KPNA2: variants seen among roughly 807,000 people sequenced by gnomAD.
The protein encoded by KPNA2 is karyopherin subunit alpha 2.
A neutral mutation model predicts 53.7 loss-of-function variants in KPNA2; 20 were observed. The observed-to-expected ratio is 0.37, with a 90% CI of 0.26 to 0.54. KPNA2 has a LOEUF of 0.54. Ranked by LOEUF, KPNA2 falls within the 20% of genes least tolerant of loss-of-function variation. KPNA2 has a pLI of 0.83. For missense variants in KPNA2, 515 were observed against 640.3 expected (o/e 0.80, Z 2.11); for synonymous variants, 238 against 227.5 (o/e 1.05, Z -0.42).
intron 3 of KPNA2, among the ~76,000 whole-genome samples, chr17:68,038,015 C>T (rs967392713): frequency 6.6e-6 from 1 of 152,004 alleles, no homozygotes; most frequent in Non-Finnish European, 1.5e-5. Flanking sequence ...TTTGCTCTGT[C>T]GCCCAGGCTA....
At chr17:68,038,050 C>CA (rs2071211378) in intron 3 of KPNA2, among the ~76,000 whole-genome samples, 2 of 152,170 alleles carry the variant, frequency 1.3e-5, no homozygotes, top group Non-Finnish European at 2.9e-5. Flanking sequence ...GATCTCCGCT[C>CA]ACTGCAAGCT....
In KPNA2 at chr17:68,042,912, C is replaced by A. The variant is rs148321092; in HGVS notation, c.579C>A (p.Gly193=). 1.2e-4 allele frequency: 192 copies of A among 1,604,044 alleles called. No homozygotes were observed. The highest frequency in any genetic ancestry group is 1.5e-4 in the Non-Finnish European group (180 of 1,173,080). The stretch of plus-strand genomic sequence containing the variant: ...TCTTGCCTTTTTTTTCAGGTGATGG[C>A]TCAGTGTTCCGAGACTTGGTTATTA... The part of the protein sequence containing the change: ...VWALGNIAGD[G]SVFRDLVIKY... The change falls in exon 6 of 11, where the codon GGC becomes GGA. Residue 193 remains glycine, a synonymous_variant. Coordinates refer to ENST00000330459, the MANE Select transcript of KPNA2 (RefSeq NM_002266.4).
chr17:68,046,588 A>C lies in KPNA2; in HGVS notation c.1582A>C (p.Asn528His), dbSNP rs1309440199. 6.3e-7 allele frequency: 1 copy of C among 1,596,472 alleles called. No individual in the cohort carries two copies. The highest frequency in any genetic ancestry group is 1.3e-5 in the African/African-American group (1 of 74,476). Residue 528 changes from asparagine to histidine, a missense_variant, in exon 11 of 11, where the codon AAC (asparagine) becomes CAC (histidine). Transcript: ENST00000330459. ...QVQDGAPGTFNF is the reference protein window; with the variant it reads ...QVQDGAPGTFHF ...TCAGGATGGGGCTCCTGGGACCTTT[A>C]ACTTTTAGATCATGTAGCTGAGACA...
intron 2 of KPNA2, 58 bp from the exon 3 acceptor site, chr17:68,037,300 C>T: frequency 6.3e-7 from 1 of 1,585,276 alleles, no homozygotes; most frequent in Non-Finnish European, 8.6e-7. Context: ...AAAAAATGCC[C>T]TCACTTAGCA....
Position 68,042,290 on chromosome 17 carries a change from C to G in KPNA2, c.508C>G (p.Leu170Val), listed in dbSNP as rs1555704660. 1.2e-6 allele frequency: 2 copies of G among 1,614,158 alleles called. No homozygotes were observed. Among genetic ancestry groups the G allele is most frequent in the Non-Finnish European group, 1.7e-6 (2 of 1,179,992 alleles). ...AGGTGCCATCCCAGCATTCATTTCT[C>G]TGTTGGCATCTCCCCATGCTCACAT... ...DGGAIPAFIS[L>V]LASPHAHISE... Residue 170 changes from leucine (L) to valine (V), a missense_variant, in exon 5 of 11, where the codon CTG becomes GTG. Leu to Val is a conservative substitution (Grantham distance 32, BLOSUM62 1). Coordinates refer to ENST00000330459, the MANE Select transcript of KPNA2 (RefSeq NM_002266.4).
Position 68,037,080 on chromosome 17 carries a change from G to T in KPNA2, c.-23-30G>T. 5.8e-6 allele frequency: 8 copies of T among 1,371,028 alleles called. No homozygotes were observed. In the South Asian group the frequency reaches 9.4e-5, roughly 16 times the overall value. The allele number at this position is 1,371,028 out of a possible 1,614,324, so 84.9% of individuals were successfully genotyped here. A position where few individuals can be genotyped will look rare whatever the true frequency, so the allele number is the denominator to read the frequency against. Reference sequence around the variant, plus strand: ...TTATTGACAAAGGAAAATGATAAAGGAAATATTTTTCTCTTCCCCCATCTT... The same window carrying T: ...TTATTGACAAAGGAAAATGATAAAGTAAATATTTTTCTCTTCCCCCATCTT... On this transcript the variant is annotated intron_variant, in intron 1 of 10. Transcript: ENST00000330459.
chr17:68,037,989 T>C (rs914581513), intron 3 of KPNA2, among the ~76,000 whole-genome samples: 16 of 151,996 alleles, frequency 1.1e-4, no homozygotes, highest in African/African-American at 3.9e-4. Context: ...TTGTTTTTGT[T>C]TCTTTGAGAC....
chr17:68,041,496 T>C (rs1555704573), intron 4 of KPNA2, among the ~76,000 whole-genome samples: 1 of 152,058 alleles, frequency 6.6e-6, no homozygotes, highest in African/African-American at 2.4e-5. Flanking sequence ...CAGGCGGAGG[T>C]TGCAGTGAGC....
rs2071334027 is a variant in KPNA2 at position 68,046,574 on chromosome 17, C to T, written c.1568C>T (p.Ala523Val). The change falls in exon 11 of 11, where the codon GCT (alanine) becomes GTT (valine). Residue 523 changes from alanine (A) to valine (V), a missense_variant. Ala to Val is a moderately conservative substitution (Grantham distance 64, BLOSUM62 0). Coordinates refer to ENST00000330459, the MANE Select transcript of KPNA2 (RefSeq NM_002266.4). ...TACACTTTCCAAGTTCAGGATGGGG[C>T]TCCTGGGACCTTTAACTTTTAGATC... The part of the protein sequence containing the change: ...EGYTFQVQDG[A>V]PGTFNF The T allele has an allele frequency of 1.2e-6, 2 of 1,607,742 alleles. No homozygotes were observed. The highest frequency in any genetic ancestry group is 1.3e-5 in the African/African-American group (1 of 74,748).
chr17:68,037,494 A>T lies in KPNA2; in HGVS notation c.212A>T (p.Gln71Leu), dbSNP rs1167037164. Residue 71 changes from glutamine (Q) to leucine (L), a missense_variant and splice_region_variant, in exon 3 of 11, where the codon CAG becomes CTG. Transcript: ENST00000330459. ...CCGCTGCAGGAAAACCGCAACAACC[A>T]GGTAAAAAATGTATTTTAGTTTATG... ...TSPLQENRNNQGTVNWSVDDI... is the reference protein window; with the variant it reads ...TSPLQENRNNLGTVNWSVDDI... 5 of 1,610,740 alleles carry T rather than the reference A, an allele frequency of 3.1e-6. No individual in the cohort carries two copies. The highest frequency in any genetic ancestry group is 4.2e-6 in the Non-Finnish European group (5 of 1,178,816).
chr17:68,037,155 A>G lies in KPNA2; in HGVS notation c.23A>G (p.Asn8Ser), dbSNP rs781943842. 3.1e-6 allele frequency: 5 copies of G among 1,613,530 alleles called. No homozygotes were observed. In the Admixed American group the frequency reaches 6.7e-5, roughly 22 times the overall value. Reference sequence around the variant, plus strand: ...ACCATGTCCACCAACGAGAATGCTAATACACCAGCTGCCCGTCTTCACAGA... The same window carrying G: ...ACCATGTCCACCAACGAGAATGCTAGTACACCAGCTGCCCGTCTTCACAGA... MSTNENA[N>S]TPAARLHRFK... Residue 8 changes from asparagine to serine, a missense_variant, in exon 2 of 11, where the codon AAT becomes AGT. Transcript: ENST00000330459.
chr17:68,040,395 T>TTC (rs1385683956), intron 3 of KPNA2, among the ~76,000 whole-genome samples: 1 of 151,848 alleles, frequency 6.6e-6, no homozygotes, highest in Non-Finnish European at 1.5e-5. Context: ...ATGCCTGTCC[T>TTC]TCTCGTTCAT....
chr17:68,042,182 A>G lies in KPNA2; in HGVS notation c.400A>G (p.Ser134Gly), dbSNP rs200993285. 6.2e-6 allele frequency: 10 copies of G among 1,613,896 alleles called. No homozygotes were observed. The East Asian group carries it at 2.2e-4, about 36-fold the overall frequency. ...FVSFLGRTDCSPIQFESAWAL... is the reference protein window; with the variant it reads ...FVSFLGRTDCGPIQFESAWAL... ...GTCCTTCTTGGGCAGAACTGATTGTAGTCCCATTCAGTTTGAATCTGCTTG... is the reference window on the plus strand; with the variant it reads ...GTCCTTCTTGGGCAGAACTGATTGTGGTCCCATTCAGTTTGAATCTGCTTG... The change falls in exon 5 of 11, where the codon AGT becomes GGT. Residue 134 changes from serine (S) to glycine (G), a missense_variant. By Grantham distance (56) the Ser-to-Gly change is moderately conservative. Coordinates refer to ENST00000330459, the MANE Select transcript of KPNA2 (RefSeq NM_002266.4).
At chr17:68,036,087 G>T (rs1872548805) in intron 1 of KPNA2, 1 of 152,278 alleles carries the variant, frequency 6.6e-6, no homozygotes, top group Admixed American at 6.5e-5. Flanking sequence ...GGGAGAATCG[G>T]AGCGAGCCAG....
intron 5 of KPNA2, 76 bp downstream of exon 5, chr17:68,042,429 A>G (rs2071271436): frequency 1.4e-6 from 2 of 1,443,852 alleles, no homozygotes; most frequent in Non-Finnish European, 1.9e-6. Flanking sequence ...GTTATAAGTA[A>G]TAGTGACTTT....
rs902246404 is a variant in KPNA2 at position 68,043,347 on chromosome 17, C to G, written c.914C>G (p.Ser305Cys). 1.9e-6 allele frequency: 3 copies of G among 1,613,944 alleles called. No individual in the cohort carries two copies. The highest frequency in any genetic ancestry group is 1.7e-6 in the Non-Finnish European group (2 of 1,180,008). The change falls in exon 7 of 11, where the codon TCT becomes TGT. Residue 305 changes from serine to cysteine, a missense_variant. Transcript: ENST00000330459. ...VPQLVKLLGA[S>C]ELPIVTPALR... ...CAACTTGTGAAGCTTCTAGGAGCTTCTGAATTGCCAATTGTGGTAAGTTAT... is the reference window on the plus strand; with the variant it reads ...CAACTTGTGAAGCTTCTAGGAGCTTGTGAATTGCCAATTGTGGTAAGTTAT...
rs868950526 is a variant in KPNA2, at chr17:68,043,439, C to T, written c.930+76C>T. On this transcript the variant is annotated intron_variant, in intron 7 of 10. Coordinates refer to ENST00000330459, the MANE Select transcript of KPNA2 (RefSeq NM_002266.4). ...GGCTGGGCGTGGTAGTGGTGGCTCA[C>T]ACCTGTGTAATCCCAGCACTTTGGG... The T allele has an allele frequency of 3.5e-6, 5 of 1,432,516 alleles. No individual in the cohort carries two copies. In the Middle Eastern group the frequency reaches 9.0e-4, roughly 258 times the overall value. The allele number at this position is 1,432,516 out of a possible 1,614,324, so 88.7% of individuals were successfully genotyped here.
intron 3 of KPNA2, among the ~76,000 whole-genome samples, 189 bp from the exon 4 acceptor site, chr17:68,040,489 A>G (rs2071246898): frequency 6.6e-6 from 1 of 152,192 alleles, no homozygotes; most frequent in African/African-American, 2.4e-5. Context: ...AGTCCATGAC[A>G]ACAAGTTTGG....
At chr17:68,044,100 C>T in intron 8 of KPNA2, 29 bp downstream of exon 8, 1 of 1,544,688 alleles carries the variant, frequency 6.5e-7, no homozygotes, top group Non-Finnish European at 8.9e-7. Context: ...TTAATCAAGT[C>T]ATTTTTAGTA....
Sources: gnomAD v4.1 joint callset for allele counts (sites outside exome capture counted in the v4.1 genomes callset) on GRCh38, gnomAD v4.1.1 for gene constraint, MANE v1.5 for transcripts, NCBI Gene and HGNC (gene_info 2026-07-23, HGNC 2026-07-21) for gene names.